CSMD1: variants seen among roughly 807,000 people sequenced by gnomAD.
CSMD1 encodes CUB and Sushi multiple domains 1.
CSMD1 carries 213 observed loss-of-function variants against 417.5 expected under a neutral mutation model. The ratio of observed to expected loss-of-function variants is 0.51; its 90% CI spans 0.46 to 0.57. CSMD1 has a LOEUF of 0.57. CSMD1 is among the 20% of genes least tolerant of loss of function. The pLI, the probability that CSMD1 is intolerant of heterozygous loss-of-function variation, is 0.00. For missense variants in CSMD1, 6,923 were observed against 4,529.7 expected, an observed-to-expected ratio of 1.53 and a Z score of -15.17; for synonymous variants, 2,862 against 1,736.8, an observed-to-expected ratio of 1.65 and a Z score of -16.11.
At chr8:4,084,671 G>A (rs1163780521) in intron 3 of CSMD1, among the ~76,000 whole-genome samples, 1 of 151,994 alleles carries the variant, frequency 6.6e-6, no homozygotes, top group African/African-American at 2.4e-5. Flanking sequence ...AGACCAGTAG[G>A]GAAAGCACTA....
At chr8:4,342,275 A>G (rs1800525007) in intron 3 of CSMD1, among the ~76,000 whole-genome samples, 1 of 146,632 alleles carries the variant, frequency 6.8e-6, no homozygotes, top group Non-Finnish European at 1.5e-5. Context: ...GTGTAGAGGG[A>G]TATTTAAACC....
At chr8:4,671,768 C>T (rs1443462001) in intron 1 of CSMD1, among the ~76,000 whole-genome samples, 1 of 152,140 alleles carries the variant, frequency 6.6e-6, no homozygotes, top group South Asian at 2.1e-4. Flanking sequence ...TGCACGCTCA[C>T]AAGCATGCCT....
At chr8:2,976,684 A>G (rs1585081479) in intron 55 of CSMD1, among the ~76,000 whole-genome samples, 1 of 152,216 alleles carries the variant, frequency 6.6e-6, no homozygotes. Context: ...GCATAGGACA[A>G]AGATCAGATT....
intron 3 of CSMD1, among the ~76,000 whole-genome samples, chr8:4,310,122 C>A (rs1798478295): frequency 6.6e-6 from 1 of 152,180 alleles, no homozygotes; most frequent in Non-Finnish European, 1.5e-5. Flanking sequence ...TCCCATTCAT[C>A]CCTGCTCCTA....
At chr8:4,015,504 G>A (rs902476895) in intron 4 of CSMD1, among the ~76,000 whole-genome samples, 1 of 151,878 alleles carries the variant, frequency 6.6e-6, no homozygotes, top group Non-Finnish European at 1.5e-5. Flanking sequence ...GCTTCAGATA[G>A]GTCTAAAAGC....
At chr8:4,425,594 G>C (rs576338513) in intron 2 of CSMD1, among the ~76,000 whole-genome samples, 13 of 152,200 alleles carry the variant, frequency 8.5e-5, no homozygotes, top group East Asian at 7.7e-4. Flanking sequence ...AGACATGAAA[G>C]TACTTCTGTG....
intron 54 of CSMD1, among the ~76,000 whole-genome samples, chr8:2,980,596 C>T (rs549392864): frequency 6.6e-6 from 1 of 150,606 alleles, no homozygotes; most frequent in Non-Finnish European, 1.5e-5. Flanking sequence ...TCCAGTCACA[C>T]CCTTCTCCTT....
chr8:3,686,711 G>C (rs1271808326), intron 7 of CSMD1, among the ~76,000 whole-genome samples: 2 of 152,166 alleles, frequency 1.3e-5, no homozygotes, highest in Admixed American at 6.5e-5. Flanking sequence ...CCTCGCCCAA[G>C]TCCCTTGGCC....
intron 3 of CSMD1, among the ~76,000 whole-genome samples, chr8:4,203,011 G>GT (rs2131261645): frequency 6.6e-6 from 1 of 152,310 alleles, no homozygotes; most frequent in East Asian, 1.9e-4. Flanking sequence ...CCCAGAACCT[G>GT]TGACTATGTT....
At chr8:3,642,891 A>G (rs567624149) in intron 7 of CSMD1, among the ~76,000 whole-genome samples, 4 of 151,082 alleles carry the variant, frequency 2.6e-5, no homozygotes, top group African/African-American at 9.7e-5. Flanking sequence ...TTATACATAC[A>G]CACACATATA....
At chr8:4,601,032 C>T (rs942309312) in intron 2 of CSMD1, among the ~76,000 whole-genome samples, 7 of 150,600 alleles carry the variant, frequency 4.6e-5, no homozygotes, top group Admixed American at 2.7e-4. Context: ...TCTCGGCTCA[C>T]TGCAACCTCC....
At chr8:4,946,467 C>T (rs973747748) in intron 1 of CSMD1, among the ~76,000 whole-genome samples, 1 of 152,020 alleles carries the variant, frequency 6.6e-6, no homozygotes, top group African/African-American at 2.4e-5. Flanking sequence ...GCCCAGTGAC[C>T]CTCTATGGAG....
chr8:3,467,937 C>G (rs1816873465), intron 12 of CSMD1, among the ~76,000 whole-genome samples: 1 of 152,212 alleles, frequency 6.6e-6, no homozygotes, highest in African/African-American at 2.4e-5. Flanking sequence ...GAATAAAATA[C>G]AGTTCCAACA....
chr8:2,962,737 A>T, intron 60 of CSMD1, 98 bp from the exon 61 acceptor site: 1 of 1,275,038 alleles, frequency 7.8e-7, no homozygotes, highest in Non-Finnish European at 1.1e-6. Flanking sequence ...CTTTAGCTTT[A>T]ACTATTAAAC....
At chr8:4,353,072 G>A (rs1446598492) in intron 3 of CSMD1, among the ~76,000 whole-genome samples, 3 of 152,146 alleles carry the variant, frequency 2.0e-5, no homozygotes, top group Non-Finnish European at 1.5e-5. Context: ...ATCAGATATT[G>A]TCAACTTCAC....
chr8:3,486,858 G>C (rs967682495), intron 11 of CSMD1, among the ~76,000 whole-genome samples: 1 of 152,172 alleles, frequency 6.6e-6, no homozygotes, highest in Non-Finnish European at 1.5e-5. Flanking sequence ...CCTACCAACA[G>C]GGTTCTTGGA....
chr8:3,860,935 T>C (rs998693858), intron 5 of CSMD1, among the ~76,000 whole-genome samples: 9 of 152,232 alleles, frequency 5.9e-5, no homozygotes, highest in African/African-American at 1.9e-4. Flanking sequence ...TTTTAAAATA[T>C]ATTTTCTAGT....
intron 5 of CSMD1, among the ~76,000 whole-genome samples, chr8:3,892,283 C>G (rs1392276863): frequency 6.6e-6 from 1 of 152,172 alleles, no homozygotes; most frequent in Non-Finnish European, 1.5e-5. Context: ...CAAAGAACAA[C>G]TACACATCAC....
intron 49 of CSMD1, among the ~76,000 whole-genome samples, chr8:3,068,397 C>G (rs1257255150): frequency 6.6e-6 from 1 of 152,034 alleles, no homozygotes. Context: ...ACAAAAAATC[C>G]CCACACTTCA....
Sources: allele counts gnomAD v4.1 joint callset (sites outside exome capture counted in the v4.1 genomes callset), GRCh38; gene constraint gnomAD v4.1.1; transcripts MANE v1.5; gene names NCBI Gene and HGNC (gene_info 2026-07-23, HGNC 2026-07-21).